Variants in MAPKAPK3 observed in about 807,000 individuals in gnomAD.
The protein encoded by MAPKAPK3 is MAP kinase-activated protein kinase 3.
Under a neutral mutation model 49.2 loss-of-function variants are expected in MAPKAPK3, and 35 were observed. The ratio of observed to expected loss-of-function variants is 0.71; its 90% confidence interval spans 0.54 to 0.94. The LOEUF is 0.94. Ranked by LOEUF, MAPKAPK3 falls within the 40% of genes least tolerant of loss-of-function variation. The pLI, the probability that MAPKAPK3 is intolerant of heterozygous loss-of-function variation, is 0.00. For synonymous variants in MAPKAPK3, 178 were observed against 188.7 expected, an observed-to-expected ratio of 0.94 and a Z score of 0.46; for missense variants, 398 against 493.1, an observed-to-expected ratio of 0.81 and a Z score of 1.83.
intron 2 of MAPKAPK3, among the ~76,000 whole-genome samples, chr3:50,630,819 C>T (rs2032885758): frequency 6.6e-6 from 1 of 152,242 alleles, no homozygotes; most frequent in South Asian, 2.1e-4. Flanking sequence ...CACTTAACCT[C>T]CCAGAAGGAC....
At chr3:50,642,928 T>C (rs545503260) in intron 5 of MAPKAPK3, among the ~76,000 whole-genome samples, 1 of 152,332 alleles carries the variant, frequency 6.6e-6, no homozygotes. Context: ...CTCGGCTCAC[T>C]GCAGCTTCCG....
At chr3:50,641,830 GT>G in intron 4 of MAPKAPK3, 59 bp downstream of exon 4, 1 of 1,435,480 alleles carries the variant, frequency 7.0e-7, no homozygotes. Flanking sequence ...GGACCAGAGC[GT>G]TGTGTGTGAT....
At chr3:50,627,028 A>G (rs2032764983) in intron 2 of MAPKAPK3, among the ~76,000 whole-genome samples, 1 of 152,154 alleles carries the variant, frequency 6.6e-6, no homozygotes, top group Non-Finnish European at 1.5e-5. Flanking sequence ...TACTAAAAAT[A>G]GAAAAATTAG....
At chr3:50,620,427 A>G (rs2032582644) in intron 2 of MAPKAPK3, among the ~76,000 whole-genome samples, 1 of 152,104 alleles carries the variant, frequency 6.6e-6, no homozygotes, top group Non-Finnish European at 1.5e-5. Flanking sequence ...GCCTGTCCTC[A>G]TCTTATAACT....
intron 2 of MAPKAPK3, among the ~76,000 whole-genome samples, chr3:50,639,102 G>A (rs1157435466): frequency 6.6e-6 from 1 of 152,200 alleles, no homozygotes; most frequent in Non-Finnish European, 1.5e-5. Flanking sequence ...CCACAGTCCA[G>A]GGCTGAGTTA....
chr3:50,644,446 C>G lies in MAPKAPK3; in HGVS notation c.542C>G (p.Ala181Gly). 1 of 1,614,218 alleles carries G rather than the reference C, an allele frequency of 6.2e-7. No homozygotes were observed. Among genetic ancestry groups the G allele is most frequent in the Non-Finnish European group, 8.5e-7 (1 of 1,180,026 alleles). Residue 181 changes from alanine to glycine, a missense_variant, in exon 6 of 11, where the codon GCA becomes GGA. By Grantham distance (60) the Ala-to-Gly change is moderately conservative (BLOSUM62 0). Around this residue, in one of 5 missense-constraint regions of MAPKAPK3, gnomAD observed 41 missense variants for 35.8 expected, o/e 1.15. Coordinates refer to ENST00000621469, the MANE Select transcript of MAPKAPK3 (RefSeq NM_001243925.2). ...NLLYTSKEKDAVLKLTDFGFA... is the reference protein window; with the variant it reads ...NLLYTSKEKDGVLKLTDFGFA... ...CTCTACACATCTAAGGAGAAAGACGCAGTGCTTAAGCTCACCGATTTTGGC... is the reference window on the plus strand; with the variant it reads ...CTCTACACATCTAAGGAGAAAGACGGAGTGCTTAAGCTCACCGATTTTGGC...
intron 2 of MAPKAPK3, among the ~76,000 whole-genome samples, chr3:50,618,579 T>G (rs1366932037): frequency 6.6e-6 from 1 of 152,190 alleles, no homozygotes; most frequent in Non-Finnish European, 1.5e-5. Flanking sequence ...CTTGAATCTG[T>G]CATCTCTGGG....
chr3:50,614,289 C>T (rs1420878001), upstream of MAPKAPK3, among the ~76,000 whole-genome samples: 1 of 152,172 alleles, frequency 6.6e-6, no homozygotes, highest in Non-Finnish European at 1.5e-5. Flanking sequence ...CATGCCCTCA[C>T]TAGCCAAATT....
intron 2 of MAPKAPK3, among the ~76,000 whole-genome samples, chr3:50,622,821 T>C (rs1298961133): frequency 1.3e-5 from 2 of 152,244 alleles, no homozygotes; most frequent in African/African-American, 4.8e-5. Flanking sequence ...GCTCCCTGCC[T>C]GCTGTCCAGG....
In MAPKAPK3 at chr3:50,648,203, G is replaced by A; in HGVS notation, c.*157G>A. 1.3e-6 allele frequency: 1 copy of A among 786,058 alleles called. No individual in the cohort carries two copies. The highest frequency in any genetic ancestry group is 1.9e-5 in the South Asian group (1 of 52,704). The allele number at this position is 786,058 out of a possible 1,614,324, so 48.7% of individuals were successfully genotyped here. On this transcript the variant is annotated 3_prime_UTR_variant, in exon 11 of 11. Coordinates refer to ENST00000621469, the MANE Select transcript of MAPKAPK3 (RefSeq NM_001243925.2). ...TCGGAACTTCAGGATGGAGGACCCT[G>A]ACCCTAAACCTCCTTCAGATCTCTG... is the stretch of plus-strand genomic sequence containing the variant.
intron 2 of MAPKAPK3, among the ~76,000 whole-genome samples, chr3:50,639,677 G>A (rs530229950): frequency 6.6e-6 from 1 of 152,210 alleles, no homozygotes; most frequent in South Asian, 2.1e-4. Context: ...TTTCTTTGTG[G>A]GAGATAGATT....
intron 2 of MAPKAPK3, among the ~76,000 whole-genome samples, chr3:50,620,361 C>T (rs993373175): frequency 5.3e-5 from 8 of 152,244 alleles, no homozygotes; most frequent in Admixed American, 4.6e-4. Flanking sequence ...AGGCAACAGT[C>T]GTGGGCTCTG....
At chr3:50,634,623 G>A (rs987978122) in intron 2 of MAPKAPK3, among the ~76,000 whole-genome samples, 2 of 151,968 alleles carry the variant, frequency 1.3e-5, no homozygotes, top group Non-Finnish European at 2.9e-5. Context: ...CAAGTAGCTG[G>A]GATTACAGGT....
chr3:50,641,003 C>T (rs938252001), intron 3 of MAPKAPK3, among the ~76,000 whole-genome samples: 1 of 152,180 alleles, frequency 6.6e-6, no homozygotes, highest in Admixed American at 6.5e-5. Context: ...ATCCTTGGAC[C>T]GGTTAGCCAG....
chr3:50,647,879 C>T lies in MAPKAPK3; in HGVS notation c.997-15C>T. On this transcript the variant is annotated splice_polypyrimidine_tract_variant and intron_variant, in intron 10 of 10. Coordinates refer to ENST00000621469, the MANE Select transcript of MAPKAPK3 (RefSeq NM_001243925.2). Reference sequence around the variant, plus strand: ...ATCCTGACCTCTTAGTGCCCACCATCCTGTCTGTCCCCAGGAGGAGATGAC... The same window carrying T: ...ATCCTGACCTCTTAGTGCCCACCATTCTGTCTGTCCCCAGGAGGAGATGAC... The T allele has an allele frequency of 6.2e-7, 1 of 1,607,640 alleles. No homozygotes were observed. Among genetic ancestry groups the T allele is most frequent in the Non-Finnish European group, 8.5e-7 (1 of 1,177,396 alleles).
rs1222989405 is a variant in MAPKAPK3, at chr3:50,647,221, C to A, written c.996+18C>A. The A allele has an allele frequency of 1.9e-6, 3 of 1,567,558 alleles. No individual in the cohort carries two copies. The African/African-American group carries it at 4.1e-5, about 21-fold the overall frequency. ...AAGTCAAGGTGGGTGGGCTCTGCCT[C>A]AGTCTCAATACAGGTGCCAGGATTT... On this transcript the variant is annotated intron_variant, in intron 10 of 10. Coordinates refer to ENST00000621469, the MANE Select transcript of MAPKAPK3 (RefSeq NM_001243925.2).
chr3:50,620,868 C>G (rs1011796284), intron 2 of MAPKAPK3, among the ~76,000 whole-genome samples: 1 of 152,198 alleles, frequency 6.6e-6, no homozygotes, highest in Non-Finnish European at 1.5e-5. Context: ...CTCCTGCTGA[C>G]CTCTTGCTTG....
chr3:50,641,406 G>A lies in MAPKAPK3; in HGVS notation c.360-301G>A, dbSNP rs1034194691. On this transcript the variant is annotated intron_variant, in intron 3 of 10. Transcript: ENST00000621469. ...TTGGGGAAACAGAGACTTGAATGGG[G>A]TTGGGAGTACCCAAGCCCTCACAGT... 9.2e-5 allele frequency among the ~76,000 whole-genome samples: 14 copies of A among 152,308 alleles called. 1 individual carries two copies. The highest frequency in any genetic ancestry group is 6.2e-4 in the South Asian group (3 of 4,828).
chr3:50,625,605 G>T (rs1288526209), intron 2 of MAPKAPK3, among the ~76,000 whole-genome samples: 1 of 152,194 alleles, frequency 6.6e-6, no homozygotes, highest in Non-Finnish European at 1.5e-5. Context: ...GCGGGTTTGG[G>T]ATTAGGGTTG....
Sources: allele counts gnomAD v4.1 joint callset (sites outside exome capture counted in the v4.1 genomes callset), GRCh38; gene constraint gnomAD v4.1.1; regional missense constraint gnomAD v4.1.1; transcripts MANE v1.5; gene names NCBI Gene and HGNC (gene_info 2026-07-23, HGNC 2026-07-21).